The following TMIGD3 variants were observed in gnomAD, a reference collection of about 807,000 sequenced individuals.
TMIGD3 encodes transmembrane and immunoglobulin domain containing 3.
In TMIGD3, 21 loss-of-function variants were observed where a neutral mutation model predicts 28.1. That is an observed-to-expected ratio of 0.75 (90% CI 0.53 to 1.08). The LOEUF (loss-of-function observed/expected upper bound fraction) is 1.08. Ranked by LOEUF, TMIGD3 falls within the 50% of genes least tolerant of loss-of-function variation. TMIGD3 has a pLI of 0.00. For missense variants in TMIGD3, 416 were observed against 435.6 expected, an observed-to-expected ratio of 0.96 and a Z score of 0.40; for synonymous variants, 151 against 162.1, an observed-to-expected ratio of 0.93 and a Z score of 0.52.
At position 111,503,374 on chromosome 1, in the gene TMIGD3, C is replaced by A. The variant is rs1655355590; in HGVS notation, c.-20G>T. The A allele has an allele frequency of 1.3e-6, 2 of 1,594,010 alleles. No individual in the cohort carries two copies. The highest frequency in any genetic ancestry group is 1.3e-5 in the African/African-American group (1 of 74,716). On this transcript the variant is annotated 5_prime_UTR_variant, in exon 1 of 6. It adds an upstream start codon to the 5' untranslated region. Transcript: ENST00000369716. ...GGGCATCTTGCCTTCCCAGGGGAAC[C>A]TCCACAGGGACAGGTGAGCCAGCAA...
chr1:111,487,559 CTG>C (rs1654445267), intron 3 of TMIGD3, among the ~76,000 whole-genome samples: 1 of 151,738 alleles, frequency 6.6e-6, no homozygotes, highest in African/African-American at 2.4e-5. Flanking sequence ...AGTCCTCTGT[CTG>C]AGAGACAGAG....
upstream of TMIGD3, among the ~76,000 whole-genome samples, chr1:111,504,457 C>T (rs1164239682): frequency 6.6e-6 from 1 of 152,194 alleles, no homozygotes; most frequent in African/African-American, 2.4e-5. Context: ...AAGCTGCTTA[C>T]CTAGTCACCA....
chr1:111,521,799 T>C (rs1237943621), intron 1 of TMIGD3, among the ~76,000 whole-genome samples: 3 of 152,244 alleles, frequency 2.0e-5, no homozygotes, highest in East Asian at 1.9e-4. Flanking sequence ...GTATATTTTG[T>C]GCTTTTGTGT....
chr1:111,509,300 T>G (rs1036690924), intron 1 of TMIGD3, among the ~76,000 whole-genome samples: 13 of 152,166 alleles, frequency 8.5e-5, no homozygotes, highest in Admixed American at 8.5e-4. Flanking sequence ...GTCCCACTGG[T>G]CAATTTTCCC....
chr1:111,522,669 A>G (rs1244285688), intron 1 of TMIGD3, among the ~76,000 whole-genome samples: 1 of 151,978 alleles, frequency 6.6e-6, no homozygotes, highest in Non-Finnish European at 1.5e-5. Flanking sequence ...GGCGCGTGCC[A>G]CCATGCCCAG....
chr1:111,488,386 A>G (rs1049054266), intron 3 of TMIGD3, among the ~76,000 whole-genome samples: 2 of 152,230 alleles, frequency 1.3e-5, no homozygotes, highest in East Asian at 1.9e-4. Flanking sequence ...TCTCACATCT[A>G]TTAGACCCTG....
intron 1 of TMIGD3, chr1:111,499,642 C>G: frequency 8.8e-7 from 1 of 1,140,264 alleles, no homozygotes; most frequent in Non-Finnish European, 1.1e-6. Context: ...GTCAACTAGG[C>G]ACCCTTCAGG....
chr1:111,490,423 C>G, intron 2 of TMIGD3: 1 of 545,326 alleles, frequency 1.8e-6, no homozygotes, highest in Non-Finnish European at 3.3e-6. Flanking sequence ...AAAGTGAGTG[C>G]AGAGTCATCA....
rs368971151 is a variant in TMIGD3, at chr1:111,563,946, C to T, written c.7G>A (p.Gly3Arg). 1.7e-5 allele frequency: 28 copies of T among 1,613,160 alleles called. No individual in the cohort carries two copies. The African/African-American group carries it at 3.3e-4, about 19-fold the overall frequency. ...TGCTCAATGGGTCCTGCTGGAGACC[C>T]TTCCATTGGTCCAACTGGTGGTCTC... Residue 3 changes from glycine (G) to arginine (R), a missense_variant, in exon 1 of 6, where the codon GGG (glycine) becomes AGG (arginine). Physicochemically the swap from Gly to Arg is moderately radical, Grantham distance 125. Coordinates refer to the TMIGD3 transcript ENST00000369717.
upstream of TMIGD3, chr1:111,505,124 CAAAAAAAAAAA>C (rs754473063): frequency 0.2 from 21,210 of 103,898 alleles, 1,269 homozygotes; most frequent in East Asian, 0.36. Context: ...AGCACTCTGC[CAAAAAAAAAAA>C]AAAAAAAAAA....
At chr1:111,515,417 G>C (rs1655826847) in intron 1 of TMIGD3, among the ~76,000 whole-genome samples, 1 of 152,178 alleles carries the variant, frequency 6.6e-6, no homozygotes, top group Non-Finnish European at 1.5e-5. Context: ...CTTGTGTGAG[G>C]AAGGAGTCGC....
chr1:111,544,801 A>G (rs1656977866), intron 1 of TMIGD3, among the ~76,000 whole-genome samples: 4 of 145,980 alleles, frequency 2.7e-5, no homozygotes, highest in South Asian at 2.3e-4. Context: ...GGTATATCCA[A>G]TTTGGTACAT....
intron 4 of TMIGD3, 56 bp from the exon 5 acceptor site, chr1:111,485,896 T>G (rs1654344212): frequency 1.4e-6 from 2 of 1,387,872 alleles, no homozygotes; most frequent in Non-Finnish European, 2.0e-6. Flanking sequence ...CTATTGATTC[T>G]CAGCTCTGGA....
intron 1 of TMIGD3, among the ~76,000 whole-genome samples, chr1:111,547,785 C>G (rs1372541006): frequency 2.6e-5 from 4 of 152,154 alleles, no homozygotes; most frequent in African/African-American, 4.8e-5. Context: ...GAGGAATAAG[C>G]AGGAGCATTG....
At chr1:111,493,118 C>T (rs993418229) in intron 1 of TMIGD3, among the ~76,000 whole-genome samples, 3 of 152,032 alleles carry the variant, frequency 2.0e-5, no homozygotes, top group Admixed American at 6.5e-5. Context: ...TAAGATTGGC[C>T]ATAATTTGAT....
At chr1:111,529,494 T>C (rs1485943164) in intron 1 of TMIGD3, among the ~76,000 whole-genome samples, 1 of 149,598 alleles carries the variant, frequency 6.7e-6, no homozygotes, top group South Asian at 2.2e-4. Context: ...TCTCTGGTTT[T>C]CCTAGGCAGA....
At chr1:111,502,137 A>ATT (rs1275519306) in intron 1 of TMIGD3, among the ~76,000 whole-genome samples, 7 of 87,528 alleles carry the variant, frequency 8.0e-5, no homozygotes, top group Non-Finnish European at 1.6e-4. Flanking sequence ...ATATATATTT[A>ATT]ATATAATAAA....
At chr1:111,523,598 G>A (rs1254772105) in intron 1 of TMIGD3, among the ~76,000 whole-genome samples, 1 of 152,052 alleles carries the variant, frequency 6.6e-6, no homozygotes, top group East Asian at 1.9e-4. Context: ...ATTCTTAAAT[G>A]TTTGATAAAA....
At chr1:111,506,913 T>TATATTA (rs10653520), upstream of TMIGD3, among the ~76,000 whole-genome samples, 1 of 121,904 alleles carries the variant, frequency 8.2e-6, no homozygotes, top group Non-Finnish European at 1.6e-5. Context: ...TATATATATA[T>TATATTA]TATATATATA....
Sources: allele counts gnomAD v4.1 joint callset (sites outside exome capture counted in the v4.1 genomes callset), GRCh38; gene constraint gnomAD v4.1.1; transcripts MANE v1.5; gene names NCBI Gene and HGNC (gene_info 2026-07-23, HGNC 2026-07-21).